The following PXDNL variants were observed in gnomAD, a reference collection of about 807,000 sequenced individuals.
PXDNL encodes the protein probable oxidoreductase PXDNL.
A neutral mutation model predicts 150.8 loss-of-function variants in PXDNL; 145 were observed. The observed-to-expected ratio is 0.96, with a 90% CI of 0.84 to 1.10. The LOEUF (loss-of-function observed/expected upper bound fraction) is 1.10, where lower values mean the gene tolerates loss of function less well. PXDNL is among the 50% of genes least tolerant of loss of function. The pLI is 0.00. For synonymous variants in PXDNL, 757 were observed against 725.7 expected (o/e 1.04, Z -0.69); for missense variants, 2,087 against 1,873.9 (o/e 1.11, Z -2.10).
At chr8:51,385,047 G>C (rs1233887396) in intron 17 of PXDNL, among the ~76,000 whole-genome samples, 1 of 152,108 alleles carries the variant, frequency 6.6e-6, no homozygotes, top group Non-Finnish European at 1.5e-5. Flanking sequence ...CATAAGAAAA[G>C]AGACAGGTCC....
At chr8:51,599,813 T>G (rs1813658345) in intron 2 of PXDNL, among the ~76,000 whole-genome samples, 1 of 142,784 alleles carries the variant, frequency 7.0e-6, no homozygotes. Context: ...AATTATACCT[T>G]ATATAAATGA....
chr8:51,564,079 A>G (rs963578591), intron 3 of PXDNL, among the ~76,000 whole-genome samples: 1 of 152,004 alleles, frequency 6.6e-6, no homozygotes, highest in Non-Finnish European at 1.5e-5. Context: ...AAGATCCTAC[A>G]TTTAATTACC....
Position 51,482,790 on chromosome 8 carries a change from C to A in PXDNL, c.524+853G>T, listed in dbSNP as rs184245110. Reference sequence around the variant, plus strand: ...TCTTCTGCCATGATTGTGAGGCCTCCCCAGCCATGAGGAACTGTGAGTCCA... The same window carrying A: ...TCTTCTGCCATGATTGTGAGGCCTCACCAGCCATGAGGAACTGTGAGTCCA... On this transcript the variant is annotated intron_variant, in intron 6 of 22. Transcript: ENST00000356297. Among the ~76,000 whole-genome samples, 16 of 152,264 alleles carry A rather than the reference C, an allele frequency of 1.1e-4. No individual in the cohort carries two copies. The East Asian group carries it at 2.9e-3, about 28-fold the overall frequency.
intron 2 of PXDNL, among the ~76,000 whole-genome samples, chr8:51,596,903 ATTT>A (rs1813582098): frequency 6.6e-6 from 1 of 151,930 alleles, no homozygotes; most frequent in African/African-American, 2.4e-5. Flanking sequence ...GAAGCTCTTT[ATTT>A]TTATTAGGGC....
intron 3 of PXDNL, among the ~76,000 whole-genome samples, chr8:51,582,693 TTCA>T (rs1240588255): frequency 1.3e-5 from 2 of 152,216 alleles, no homozygotes; most frequent in Non-Finnish European, 2.9e-5. Flanking sequence ...TTTAAATGAC[TTCA>T]TCAATTATGA....
intron 1 of PXDNL, among the ~76,000 whole-genome samples, chr8:51,719,262 G>A (rs948653528): frequency 6.6e-6 from 1 of 152,240 alleles, no homozygotes; most frequent in African/African-American, 2.4e-5. Flanking sequence ...GTAGAAAGAA[G>A]TAGACATAGG....
intron 1 of PXDNL, among the ~76,000 whole-genome samples, chr8:51,677,980 T>C (rs1024479810): frequency 6.6e-6 from 1 of 152,116 alleles, no homozygotes; most frequent in Non-Finnish European, 1.5e-5. Context: ...TGAGTGACAA[T>C]AAAGAGTTTG....
chr8:51,647,282 C>A (rs1249866422), intron 2 of PXDNL, among the ~76,000 whole-genome samples: 1 of 152,054 alleles, frequency 6.6e-6, no homozygotes, highest in Non-Finnish European at 1.5e-5. Flanking sequence ...TCCTGGCATC[C>A]ACCCCAGAAA....
intron 1 of PXDNL, among the ~76,000 whole-genome samples, chr8:51,792,188 G>A (rs1352780608): frequency 1.3e-5 from 2 of 152,112 alleles, no homozygotes; most frequent in African/African-American, 2.4e-5. Flanking sequence ...CCACTGAGAA[G>A]AATGAAAATG....
chr8:51,592,863 T>C (rs901769134), intron 2 of PXDNL, among the ~76,000 whole-genome samples, 165 bp from the exon 3 acceptor site: 62 of 152,342 alleles, frequency 4.1e-4, no homozygotes, highest in African/African-American at 1.5e-3. Flanking sequence ...AAAAAAGTGA[T>C]ATAAAACATT....
intron 4 of PXDNL, among the ~76,000 whole-genome samples, chr8:51,519,273 G>A (rs1811607874): frequency 6.6e-6 from 1 of 152,106 alleles, no homozygotes; most frequent in African/African-American, 2.4e-5. Flanking sequence ...CGGGTGCGGT[G>A]GCTCACCCCT....
chr8:51,779,313 G>C (rs1260899846), intron 1 of PXDNL, among the ~76,000 whole-genome samples: 1 of 152,196 alleles, frequency 6.6e-6, no homozygotes, highest in Non-Finnish European at 1.5e-5. Flanking sequence ...ATCATGATCT[G>C]ACGGCGAGGC....
At position 51,744,965 on chromosome 8, in the gene PXDNL, A is replaced by AGTG. The variant is rs2036964919; in HGVS notation, c.164+64215_164+64216insCAC. Among the ~76,000 whole-genome samples the AGTG allele has an allele frequency of 1.5e-5, 2 of 136,832 alleles. 1 individual carries two copies. 89.8% of individuals were successfully genotyped at this position (136,832 alleles called of 152,430 possible). A position where few individuals can be genotyped will look rare whatever the true frequency, so the allele number is the denominator to read the frequency against. On this transcript the variant is annotated intron_variant, in intron 1 of 22. Transcript: ENST00000356297. ...GAAAGAAAGAAAGAAAGAAAGAAAG[A>AGTG]AAGAAAGAAAGAAAGAAAGAAAGAA...
At chr8:51,670,458 C>T (rs1416856636) in intron 1 of PXDNL, among the ~76,000 whole-genome samples, 1 of 152,100 alleles carries the variant, frequency 6.6e-6, no homozygotes, top group Non-Finnish European at 1.5e-5. Context: ...CCCTATTGTT[C>T]CTAGGCTACA....
At chr8:51,381,723 G>A (rs1055614372) in intron 17 of PXDNL, among the ~76,000 whole-genome samples, 4 of 151,088 alleles carry the variant, frequency 2.6e-5, no homozygotes, top group South Asian at 2.1e-4. Flanking sequence ...GTGCAATCTC[G>A]GCTACTGAAA....
At chr8:51,719,662 C>A (rs1414769949) in intron 1 of PXDNL, among the ~76,000 whole-genome samples, 1 of 151,424 alleles carries the variant, frequency 6.6e-6, no homozygotes, top group Admixed American at 6.6e-5. Flanking sequence ...AAAACTATTT[C>A]TACCTTCTAA....
chr8:51,371,833 G>A (rs1270092597), intron 19 of PXDNL, 40 bp downstream of exon 19: 1 of 1,500,628 alleles, frequency 6.7e-7, no homozygotes, highest in Admixed American at 1.7e-5. Context: ...ATGAGAACAT[G>A]CACATCAATC....
At chr8:51,735,527 T>TGA (rs371335847) in intron 1 of PXDNL, among the ~76,000 whole-genome samples, 1 of 95,642 alleles carries the variant, frequency 1.0e-5, no homozygotes, top group Non-Finnish European at 1.7e-5. Flanking sequence ...TTAAAAATTG[T>TGA]TTTTTTTTTT....
rs78468781 is a variant in PXDNL, at chr8:51,336,333, G to A, written c.4146+3291C>T. 3.7e-3 allele frequency among the ~76,000 whole-genome samples: 557 copies of A among 152,292 alleles called. 1 individual carries two copies. Among genetic ancestry groups the A allele is most frequent in the Non-Finnish European group, 6.1e-3 (415 of 68,016 alleles). On this transcript the variant is annotated intron_variant, in intron 21 of 22. Transcript: ENST00000356297. ...CAGGACTTACTGCATCCACAATGGT[G>A]AGTAATAGAAAAACCACAAAGTGGC...
Sources: gnomAD v4.1 joint callset for allele counts (sites outside exome capture counted in the v4.1 genomes callset) on GRCh38, gnomAD v4.1.1 for gene constraint, MANE v1.5 for transcripts, NCBI Gene and HGNC (gene_info 2026-07-23, HGNC 2026-07-21) for gene names.